PTPRO: variants seen among roughly 807,000 people sequenced by gnomAD.
The protein encoded by PTPRO is protein tyrosine phosphatase receptor type O, also known as receptor-type tyrosine-protein phosphatase O.
PTPRO carries 62 observed loss-of-function variants against 145.2 expected under a neutral mutation model. The observed-to-expected ratio is 0.43, with a 90% CI of 0.35 to 0.53. The LOEUF (loss-of-function observed/expected upper bound fraction) is 0.53, where lower values mean the gene tolerates loss of function less well. PTPRO is among the 20% of genes least tolerant of loss of function. The probability of loss-of-function intolerance (pLI) is 0.01; values close to 1 mark genes in which losing one functional copy is unlikely to be tolerated. For missense variants in PTPRO, 1,345 were observed against 1,482.7 expected (o/e 0.91, Z 1.53); for synonymous variants, 565 against 514.7 (o/e 1.10, Z -1.32).
chr12:15,425,375 A>G (rs1940256681), intron 1 of PTPRO, among the ~76,000 whole-genome samples: 1 of 152,162 alleles, frequency 6.6e-6, no homozygotes, highest in Admixed American at 6.5e-5. Flanking sequence ...TACATCTTGA[A>G]GGTCACATAA....
intron 14 of PTPRO, among the ~76,000 whole-genome samples, chr12:15,549,969 C>CA (rs1206814089): frequency 6.6e-6 from 1 of 151,970 alleles, no homozygotes; most frequent in African/African-American, 2.4e-5. Context: ...GAAGAGAGGA[C>CA]AAAAAATATA....
intron 2 of PTPRO, among the ~76,000 whole-genome samples, chr12:15,490,218 C>T (rs553757687): frequency 6.6e-6 from 1 of 152,220 alleles, no homozygotes; most frequent in Admixed American, 6.5e-5. Context: ...GTAGTTCAAT[C>T]ATATGTATAG....
chr12:15,404,084 T>C (rs1939578687), intron 1 of PTPRO, among the ~76,000 whole-genome samples: 1 of 148,534 alleles, frequency 6.7e-6, no homozygotes, highest in African/African-American at 2.5e-5. Context: ...TAGTCCCAGC[T>C]ACTCAGGAGG....
At chr12:15,355,571 T>A (rs1035246404) in intron 1 of PTPRO, among the ~76,000 whole-genome samples, 2 of 152,234 alleles carry the variant, frequency 1.3e-5, no homozygotes, top group East Asian at 3.8e-4. Flanking sequence ...AACTTTAATA[T>A]CTAATCTATT....
intron 14 of PTPRO, among the ~76,000 whole-genome samples, chr12:15,550,747 T>C (rs1412400555): frequency 6.6e-6 from 1 of 152,184 alleles, no homozygotes; most frequent in East Asian, 1.9e-4. Flanking sequence ...CACCTGCTCA[T>C]TCTGTGACTT....
intron 1 of PTPRO, among the ~76,000 whole-genome samples, chr12:15,350,306 G>A (rs1056956911): frequency 6.6e-6 from 1 of 152,134 alleles, no homozygotes; most frequent in African/African-American, 2.4e-5. Flanking sequence ...TCTGTGTCCT[G>A]CTTGATGAGG....
chr12:15,519,535 T>C (rs906485113), intron 9 of PTPRO, among the ~76,000 whole-genome samples: 8 of 152,212 alleles, frequency 5.3e-5, no homozygotes, highest in Non-Finnish European at 1.2e-4. Context: ...AATAGAGCAA[T>C]CAAGTGCTTA....
intron 1 of PTPRO, among the ~76,000 whole-genome samples, chr12:15,471,719 A>T (rs1282950382): frequency 6.6e-6 from 1 of 152,180 alleles, no homozygotes; most frequent in Non-Finnish European, 1.5e-5. Context: ...GGGTATCCCC[A>T]GTGTTCTGCT....
intron 1 of PTPRO, among the ~76,000 whole-genome samples, chr12:15,380,122 CT>C (rs1938813830): frequency 6.6e-6 from 1 of 152,062 alleles, no homozygotes. Context: ...AAACAAGTTA[CT>C]TGAATGTTCT....
At chr12:15,543,175 A>G (rs1943213783) in intron 12 of PTPRO, among the ~76,000 whole-genome samples, 2 of 152,212 alleles carry the variant, frequency 1.3e-5, no homozygotes, top group African/African-American at 2.4e-5. Flanking sequence ...TCATTGACCT[A>G]TAGAGCTGAC....
chr12:15,398,385 A>G (rs1267908796), intron 1 of PTPRO, among the ~76,000 whole-genome samples: 1 of 150,352 alleles, frequency 6.7e-6, no homozygotes, highest in African/African-American at 2.5e-5. Flanking sequence ...TTCTCTCGTT[A>G]TGTTTTGTCT....
intron 16 of PTPRO, 77 bp downstream of exon 16, chr12:15,557,600 T>C: frequency 7.7e-7 from 1 of 1,303,598 alleles, no homozygotes; most frequent in Non-Finnish European, 1.1e-6. Context: ...TTACTATCCT[T>C]TGGGGATAGT....
Position 15,469,893 on chromosome 12 carries a change from G to A in PTPRO, c.76-14081G>A, listed in dbSNP as rs546168414. On this transcript the variant is annotated intron_variant, in intron 1 of 26. Transcript: ENST00000281171. ...TTTTTGGAGGATCTCCTAAATATCG[G>A]ATCCTTGGATGGAAAATTTGCATGT... Among the ~76,000 whole-genome samples the A allele has an allele frequency of 3.9e-5, 6 of 152,096 alleles. No homozygotes were observed. The South Asian group carries it at 1.0e-3, about 26-fold the overall frequency.
At chr12:15,580,633 C>T (rs941473493) in intron 21 of PTPRO, 64 bp from the exon 22 acceptor site, 5 of 1,604,306 alleles carry the variant, frequency 3.1e-6, no homozygotes, top group African/African-American at 1.3e-5. Context: ...TTCCCATAGG[C>T]GTGAAGCAGC....
chr12:15,530,653 G>A (rs1942943652), intron 12 of PTPRO, among the ~76,000 whole-genome samples: 1 of 151,880 alleles, frequency 6.6e-6, no homozygotes, highest in Admixed American at 6.6e-5. Flanking sequence ...AATTAAGAAA[G>A]GAATTTTAAA....
intron 20 of PTPRO, 149 bp downstream of exon 20, chr12:15,579,092 C>T: frequency 1.4e-6 from 1 of 710,182 alleles, no homozygotes; most frequent in African/African-American, 1.7e-5. Context: ...TCTCACTCTC[C>T]TTTGATGTCT....
At chr12:15,565,687 C>A in intron 18 of PTPRO, 59 bp downstream of exon 18, 1 of 1,194,910 alleles carries the variant, frequency 8.4e-7, no homozygotes, top group South Asian at 1.3e-5. Context: ...CTTAACGTTC[C>A]AATTAAAGAT....
intron 21 of PTPRO, 119 bp from the exon 22 acceptor site, chr12:15,580,578 G>A (rs1406661084): frequency 8.5e-7 from 1 of 1,171,818 alleles, no homozygotes; most frequent in Non-Finnish European, 1.3e-6. Context: ...TTACATAGGT[G>A]TGTGATCCTT....
chr12:15,518,099 A>C lies in PTPRO; in HGVS notation c.1779+1143A>C, dbSNP rs552863297. Among the ~76,000 whole-genome samples the C allele has an allele frequency of 2.6e-5, 4 of 152,306 alleles. No homozygotes were observed. The East Asian group carries it at 7.7e-4, about 29-fold the overall frequency. On this transcript the variant is annotated intron_variant, in intron 9 of 26. Coordinates refer to ENST00000281171, the MANE Select transcript of PTPRO (RefSeq NM_030667.3). ...TTTGCCTGGGCATCCAAGTGTTTCC[A>C]TACATTTTCTGAAATCTAGGTGGAG...
Sources: gnomAD v4.1 joint callset for allele counts (sites outside exome capture counted in the v4.1 genomes callset) on GRCh38, gnomAD v4.1.1 for gene constraint, MANE v1.5 for transcripts, NCBI Gene and HGNC (gene_info 2026-07-23, HGNC 2026-07-21) for gene names.